Variants in SORCS3 observed in about 807,000 individuals in gnomAD.
The protein encoded by SORCS3 is sortilin related VPS10 domain containing receptor 3.
SORCS3 carries 57 observed loss-of-function variants against 146.3 expected under a neutral mutation model. The observed-to-expected ratio is 0.39, with a 90% CI of 0.31 to 0.49. The LOEUF is 0.49. Ranked by LOEUF, SORCS3 falls within the 20% of genes least tolerant of loss-of-function variation. The pLI is 0.92. For missense variants in SORCS3, 1,341 were observed against 1,575.5 expected, an observed-to-expected ratio of 0.85 and a Z score of 2.52; for synonymous variants, 653 against 618.5, an observed-to-expected ratio of 1.06 and a Z score of -0.83.
rs1009925065 is a variant in SORCS3, at chr10:104,654,060, C to T, written c.627+12106C>T. On this transcript the variant is annotated intron_variant, in intron 1 of 26. Transcript: ENST00000369701. Reference sequence around the variant, plus strand: ...ATAAGTGAGAATATGCCATGTGTGTCTTTTGGTGCCTGGCTTATTTCACTT... The same window carrying T: ...ATAAGTGAGAATATGCCATGTGTGTTTTTTGGTGCCTGGCTTATTTCACTT... Among the ~76,000 whole-genome samples, 4 of 152,068 alleles carry T rather than the reference C, an allele frequency of 2.6e-5. 1 individual carries two copies. Among genetic ancestry groups the T allele is most frequent in the South Asian group, 4.1e-4 (2 of 4,828 alleles).
intron 3 of SORCS3, among the ~76,000 whole-genome samples, chr10:104,948,777 A>G (rs1315685949): frequency 1.3e-5 from 2 of 152,186 alleles, no homozygotes; most frequent in African/African-American, 4.8e-5. Context: ...ATTACTCCAC[A>G]TCCAGGATGC....
chr10:105,099,442 A>T (rs1462608666), intron 6 of SORCS3, among the ~76,000 whole-genome samples: 1 of 152,212 alleles, frequency 6.6e-6, no homozygotes, highest in Non-Finnish European at 1.5e-5. Flanking sequence ...TTGAATGCTT[A>T]GTAATTCTCA....
intron 4 of SORCS3, among the ~76,000 whole-genome samples, chr10:105,000,922 C>G (rs911454575): frequency 6.6e-6 from 1 of 152,186 alleles, no homozygotes; most frequent in African/African-American, 2.4e-5. Context: ...CACCATGGGT[C>G]ATTATCGAGT....
At chr10:104,728,026 TCTATCTA>T (rs1564669433) in intron 1 of SORCS3, among the ~76,000 whole-genome samples, 2 of 25,580 alleles carry the variant, frequency 7.8e-5, no homozygotes, top group African/African-American at 3.0e-4. Flanking sequence ...AACAGTTCTA[TCTATCTA>T]TCTATCTATC....
intron 16 of SORCS3, among the ~76,000 whole-genome samples, chr10:105,209,931 T>C (rs1472561163): frequency 6.6e-6 from 1 of 152,214 alleles, no homozygotes; most frequent in Non-Finnish European, 1.5e-5. Context: ...TTAGTCATGT[T>C]TGGGGTATGC....
intron 2 of SORCS3, among the ~76,000 whole-genome samples, chr10:104,860,457 A>G (rs544818798): frequency 1.9e-4 from 28 of 146,162 alleles, no homozygotes; most frequent in Admixed American, 1.7e-3. Context: ...ATTAGGAGAT[A>G]TACCTAATGC....
At chr10:105,118,682 G>A (rs954287686) in intron 7 of SORCS3, among the ~76,000 whole-genome samples, 9 of 152,274 alleles carry the variant, frequency 5.9e-5, no homozygotes, top group African/African-American at 1.9e-4. Flanking sequence ...GGTGGTGTCC[G>A]ATGGAGATGA....
chr10:104,720,197 G>C (rs182593001), intron 1 of SORCS3, among the ~76,000 whole-genome samples: 1 of 151,516 alleles, frequency 6.6e-6, no homozygotes, highest in South Asian at 2.1e-4. Flanking sequence ...TCATTGTTCA[G>C]TTCCCACCTA....
intron 20 of SORCS3, among the ~76,000 whole-genome samples, chr10:105,235,578 A>C (rs1405595230): frequency 2.0e-5 from 3 of 152,002 alleles, no homozygotes; most frequent in African/African-American, 7.2e-5. Flanking sequence ...GTACGACCTC[A>C]GACTTGGAAA....
chr10:104,850,846 C>G (rs1194600821), intron 2 of SORCS3, among the ~76,000 whole-genome samples: 4 of 152,204 alleles, frequency 2.6e-5, no homozygotes, highest in Non-Finnish European at 5.9e-5. Context: ...CCAAAAGATA[C>G]CTTTCCTGAG....
At chr10:104,686,726 T>G (rs2016048119) in intron 1 of SORCS3, among the ~76,000 whole-genome samples, 2 of 152,128 alleles carry the variant, frequency 1.3e-5, no homozygotes, top group African/African-American at 4.8e-5. Flanking sequence ...TCACTGCACA[T>G]GATGGAAAAG....
At chr10:105,217,698 A>G (rs140428046) in intron 19 of SORCS3, 1 of 412,844 alleles carries the variant, frequency 2.4e-6, no homozygotes. Flanking sequence ...GCTAGAATCT[A>G]TTTCATTGCT....
At chr10:104,893,087 G>A (rs1434592143) in intron 2 of SORCS3, among the ~76,000 whole-genome samples, 2 of 152,028 alleles carry the variant, frequency 1.3e-5, no homozygotes, top group African/African-American at 2.4e-5. Context: ...TCCATTGTGC[G>A]TCATAGTTTC....
At chr10:104,922,779 T>A (rs1564714077) in intron 3 of SORCS3, among the ~76,000 whole-genome samples, 3 of 151,522 alleles carry the variant, frequency 2.0e-5, no homozygotes, top group Non-Finnish European at 4.4e-5. Context: ...CATATTCAAG[T>A]GGTAACTAAG....
chr10:104,918,213 G>A lies in SORCS3; in HGVS notation c.795+2281G>A, dbSNP rs74734022. 7.2e-5 allele frequency among the ~76,000 whole-genome samples: 11 copies of A among 152,074 alleles called. No individual in the cohort carries two copies. The East Asian group carries it at 7.7e-4, about 11-fold the overall frequency. On this transcript the variant is annotated intron_variant, in intron 3 of 26. Coordinates refer to ENST00000369701, the MANE Select transcript of SORCS3 (RefSeq NM_014978.3). ...AATTTTCATACATTTTGAGGACTTCGTGGACACCTCAGATCCCACTCATGA... is the reference window on the plus strand; with the variant it reads ...AATTTTCATACATTTTGAGGACTTCATGGACACCTCAGATCCCACTCATGA...
chr10:105,128,766 A>T (rs1267200051), intron 7 of SORCS3, among the ~76,000 whole-genome samples: 1 of 152,164 alleles, frequency 6.6e-6, no homozygotes, highest in African/African-American at 2.4e-5. Context: ...TTTGTCAGTG[A>T]ATACACTTCT....
chr10:104,923,522 G>A (rs572586945), intron 3 of SORCS3, among the ~76,000 whole-genome samples: 1 of 152,184 alleles, frequency 6.6e-6, no homozygotes, highest in Non-Finnish European at 1.5e-5. Context: ...CAATTAAGGG[G>A]TTCTATCAGC....
chr10:105,206,738 A>G (rs1455887097), intron 16 of SORCS3, among the ~76,000 whole-genome samples: 1 of 152,194 alleles, frequency 6.6e-6, no homozygotes, highest in Non-Finnish European at 1.5e-5. Flanking sequence ...TCTTAGCTAA[A>G]TGATGATGTT....
chr10:104,789,794 C>T (rs1016908997), intron 1 of SORCS3, among the ~76,000 whole-genome samples: 23 of 152,214 alleles, frequency 1.5e-4, no homozygotes, highest in South Asian at 2.1e-4. Flanking sequence ...TACTTCCAAA[C>T]CCTCTGCCAC....
Sources: gnomAD v4.1 joint callset for allele counts (sites outside exome capture counted in the v4.1 genomes callset) on GRCh38, gnomAD v4.1.1 for gene constraint, MANE v1.5 for transcripts, NCBI Gene and HGNC (gene_info 2026-07-23, HGNC 2026-07-21) for gene names.